The following MSH3 variants were observed in gnomAD, a reference collection of about 807,000 sequenced individuals.
MSH3 encodes DNA mismatch repair protein Msh3.
In MSH3, 106 loss-of-function variants were observed where a neutral mutation model predicts 123.3. The ratio of observed to expected loss-of-function variants is 0.86; its 90% CI spans 0.73 to 1.01. MSH3 has a LOEUF of 1.01. MSH3 is among the 50% of genes least tolerant of loss of function. The pLI is 0.00. For missense variants in MSH3, 1,459 were observed against 1,347.6 expected (o/e 1.08, Z -1.29); for synonymous variants, 515 against 481.4 (o/e 1.07, Z -0.91).
At chr5:80,837,384 G>A (rs1373625218) in intron 20 of MSH3, among the ~76,000 whole-genome samples, 3 of 152,082 alleles carry the variant, frequency 2.0e-5, no homozygotes, top group East Asian at 1.9e-4. Context: ...TTCGAGACCA[G>A]CCTAGGCAAT....
intron 8 of MSH3, among the ~76,000 whole-genome samples, chr5:80,698,510 G>A (rs1750534447): frequency 6.6e-6 from 1 of 152,146 alleles, no homozygotes; most frequent in Non-Finnish European, 1.5e-5. Flanking sequence ...GGGTGTGTTA[G>A]AATTGAGACT....
At chr5:80,852,713 G>A (rs1388423189) in intron 20 of MSH3, among the ~76,000 whole-genome samples, 2 of 152,162 alleles carry the variant, frequency 1.3e-5, no homozygotes, top group Non-Finnish European at 2.9e-5. Context: ...CTAGTTATTG[G>A]AACAGTTCTA....
At chr5:80,682,887 T>G (rs975492983) in intron 8 of MSH3, among the ~76,000 whole-genome samples, 2 of 152,212 alleles carry the variant, frequency 1.3e-5, no homozygotes, top group African/African-American at 4.8e-5. Context: ...TAGCCATCTT[T>G]CTACTCTCTA....
intron 17 of MSH3, among the ~76,000 whole-genome samples, chr5:80,784,036 C>T (rs1744454669): frequency 6.6e-6 from 1 of 151,300 alleles, no homozygotes; most frequent in African/African-American, 2.4e-5. Context: ...ATGGGGAAAC[C>T]CCGTCTCTAC....
chr5:80,865,131 T>G (rs542813245), intron 22 of MSH3, among the ~76,000 whole-genome samples, 189 bp downstream of exon 22: 1 of 152,338 alleles, frequency 6.6e-6, no homozygotes, highest in South Asian at 2.1e-4. Context: ...TTGCTATCTC[T>G]GAGTCCTTCT....
chr5:80,661,755 T>G (rs1010758009), intron 2 of MSH3, among the ~76,000 whole-genome samples: 2 of 152,244 alleles, frequency 1.3e-5, no homozygotes, highest in Admixed American at 6.5e-5. Context: ...ATATGTTGAA[T>G]CTGTGTTGTC....
At chr5:80,686,613 T>C (rs1045904985) in intron 8 of MSH3, among the ~76,000 whole-genome samples, 1 of 152,222 alleles carries the variant, frequency 6.6e-6, no homozygotes, top group Admixed American at 6.5e-5. Flanking sequence ...TTGACCCCTT[T>C]GTCATTATAT....
chr5:80,793,394 C>T (rs1744642793), intron 19 of MSH3, among the ~76,000 whole-genome samples: 1 of 152,158 alleles, frequency 6.6e-6, no homozygotes, highest in African/African-American at 2.4e-5. Flanking sequence ...AGAACTCTTC[C>T]CTGCCCTCAC....
chr5:80,731,181 G>A (rs1456549135), intron 10 of MSH3, among the ~76,000 whole-genome samples: 2 of 152,188 alleles, frequency 1.3e-5, no homozygotes, highest in East Asian at 3.9e-4. Flanking sequence ...GGGATTACAG[G>A]TGTGAGCCAC....
chr5:80,681,717 T>A (rs1749972820), intron 8 of MSH3, among the ~76,000 whole-genome samples: 1 of 152,014 alleles, frequency 6.6e-6, no homozygotes, highest in African/African-American at 2.4e-5. Context: ...TTCATTTTTT[T>A]GTTTTCTGCT....
intron 22 of MSH3, among the ~76,000 whole-genome samples, chr5:80,867,714 A>T (rs988263114): frequency 2.0e-5 from 3 of 152,196 alleles, no homozygotes; most frequent in African/African-American, 7.2e-5. Flanking sequence ...CTTGTTGGCC[A>T]TGTATATGTT....
chr5:80,789,417 C>T (rs1365266236), intron 18 of MSH3, among the ~76,000 whole-genome samples: 1 of 149,386 alleles, frequency 6.7e-6, no homozygotes, highest in African/African-American at 2.5e-5. Flanking sequence ...GTGGCCCAGG[C>T]TGGAGTGCAA....
At chr5:80,689,102 A>C (rs1185012046) in intron 8 of MSH3, among the ~76,000 whole-genome samples, 2 of 152,136 alleles carry the variant, frequency 1.3e-5, no homozygotes, top group Non-Finnish European at 2.9e-5. Context: ...GAGAAAAGGG[A>C]ATTGGGAACA....
At chr5:80,681,996 A>G (rs914945479) in intron 8 of MSH3, among the ~76,000 whole-genome samples, 1 of 152,102 alleles carries the variant, frequency 6.6e-6, no homozygotes, top group Admixed American at 6.5e-5. Context: ...AATTTTCTCT[A>G]TGTTTACTGA....
chr5:80,771,871 T>C (rs1744217941), intron 15 of MSH3, among the ~76,000 whole-genome samples: 1 of 152,194 alleles, frequency 6.6e-6, no homozygotes, highest in African/African-American at 2.4e-5. Context: ...TTCCTTATTG[T>C]CTCTATGTAA....
intron 8 of MSH3, among the ~76,000 whole-genome samples, chr5:80,706,628 T>G (rs1750729358): frequency 6.6e-6 from 1 of 152,228 alleles, no homozygotes; most frequent in Non-Finnish European, 1.5e-5. Flanking sequence ...ATTTAGACTA[T>G]TATCATCTCG....
intron 19 of MSH3, among the ~76,000 whole-genome samples, chr5:80,795,396 T>C (rs1744678959): frequency 6.6e-6 from 1 of 152,084 alleles, no homozygotes; most frequent in Non-Finnish European, 1.5e-5. Context: ...GGCTGGAAAG[T>C]CCAAGATCAA....
At position 80,670,325 on chromosome 5, in the gene MSH3, A is replaced by C; in HGVS notation, c.792+16A>C. The C allele has an allele frequency of 6.2e-7, 1 of 1,608,982 alleles. No homozygotes were observed. The highest frequency in any genetic ancestry group is 1.1e-5 in the South Asian group (1 of 90,946). ...AGATGCAGAGGTAAGTCGTCTTTTC[A>C]GGCACTATTTTATATTTTTCTTGTC... On this transcript the variant is annotated intron_variant, in intron 4 of 23. Transcript: ENST00000265081.
chr5:80,747,733 A>G (rs1289467117), intron 12 of MSH3, among the ~76,000 whole-genome samples: 1 of 152,170 alleles, frequency 6.6e-6, no homozygotes, highest in Non-Finnish European at 1.5e-5. Context: ...AGAAATGTTT[A>G]GACACACAAA....
Sources: allele counts gnomAD v4.1 joint callset (sites outside exome capture counted in the v4.1 genomes callset), GRCh38; gene constraint gnomAD v4.1.1; transcripts MANE v1.5; gene names NCBI Gene and HGNC (gene_info 2026-07-23, HGNC 2026-07-21).